The following DAB1 variants were observed in gnomAD, a reference collection of about 807,000 sequenced individuals.
DAB1 encodes the protein disabled homolog 1.
In DAB1, 15 loss-of-function variants were observed where a neutral mutation model predicts 64.6. The observed-to-expected ratio is 0.23, with a 90% confidence interval of 0.16 to 0.36. The LOEUF is 0.36. Ranked by LOEUF, DAB1 falls within the 10% of genes least tolerant of loss-of-function variation. DAB1 has a pLI of 1.00. For missense variants in DAB1, 596 were observed against 706.7 expected (o/e 0.84, Z 1.78); for synonymous variants, 235 against 251.9 (o/e 0.93, Z 0.64).
intron 1 of DAB1, among the ~76,000 whole-genome samples, chr1:57,353,049 C>T (rs1678716661): frequency 6.6e-6 from 1 of 150,726 alleles, no homozygotes; most frequent in Non-Finnish European, 1.5e-5. Flanking sequence ...ATCATATGAG[C>T]CAATTCCTTA....
At chr1:57,325,532 T>C (rs1480348433) in intron 1 of DAB1, among the ~76,000 whole-genome samples, 1 of 152,252 alleles carries the variant, frequency 6.6e-6, no homozygotes, top group African/African-American at 2.4e-5. Flanking sequence ...CAGGTGCTAT[T>C]ATTATAACTG....
chr1:57,333,568 C>T (rs1187669993), intron 1 of DAB1, among the ~76,000 whole-genome samples: 1 of 152,202 alleles, frequency 6.6e-6, no homozygotes, highest in Non-Finnish European at 1.5e-5. Context: ...GTGTAACCAA[C>T]CAATTGACAA....
At chr1:57,992,362 G>A (rs1022436742) in intron 5 of DAB1, among the ~76,000 whole-genome samples, 14 of 152,254 alleles carry the variant, frequency 9.2e-5, no homozygotes, top group African/African-American at 3.1e-4. Context: ...GATAGGACTT[G>A]TGCACTTTTT....
chr1:58,394,919 G>A (rs999578645), intron 3 of DAB1, among the ~76,000 whole-genome samples: 3 of 151,272 alleles, frequency 2.0e-5, no homozygotes, highest in South Asian at 2.1e-4. Context: ...TTATAAAGCC[G>A]ATTTTAAAAA....
intron 2 of DAB1, among the ~76,000 whole-genome samples, chr1:57,223,459 T>C (rs1363462448): frequency 1.3e-5 from 2 of 152,174 alleles, no homozygotes; most frequent in Non-Finnish European, 1.5e-5. Context: ...TGTCATTTCA[T>C]GTCTGCCACC....
At chr1:57,681,298 G>A (rs1646633874) in intron 6 of DAB1, among the ~76,000 whole-genome samples, 1 of 152,124 alleles carries the variant, frequency 6.6e-6, no homozygotes, top group Admixed American at 6.5e-5. Context: ...GAAACCAGTT[G>A]TATTGGATTA....
upstream of DAB1, among the ~76,000 whole-genome samples, chr1:57,424,220 G>A (rs912648759): frequency 5.9e-4 from 87 of 148,440 alleles, no homozygotes; most frequent in African/African-American, 1.8e-3. Flanking sequence ...CGCCGCCGCC[G>A]GGCCGTGAGC....
intron 7 of DAB1, among the ~76,000 whole-genome samples, chr1:57,495,014 A>C (rs986879145): frequency 6.6e-6 from 1 of 152,202 alleles, no homozygotes; most frequent in African/African-American, 2.4e-5. Flanking sequence ...ACAGCCTGGA[A>C]CACTGAGCTG....
chr1:58,274,866 G>A (rs1485471336), intron 4 of DAB1, among the ~76,000 whole-genome samples: 3 of 152,054 alleles, frequency 2.0e-5, no homozygotes, highest in African/African-American at 4.8e-5. Context: ...GCTTCGGCTC[G>A]CGCACGGTGC....
At chr1:57,285,572 C>T (rs1410623272) in intron 2 of DAB1, among the ~76,000 whole-genome samples, 2 of 152,088 alleles carry the variant, frequency 1.3e-5, no homozygotes, top group African/African-American at 4.8e-5. Context: ...ACACCCAGCC[C>T]CCTCACCTTT....
intron 6 of DAB1, among the ~76,000 whole-genome samples, chr1:57,711,300 T>C (rs1277021865): frequency 6.6e-6 from 1 of 152,244 alleles, no homozygotes; most frequent in Admixed American, 6.5e-5. Flanking sequence ...AGAAGCAAGA[T>C]AGGGTCAGCC....
intron 4 of DAB1, among the ~76,000 whole-genome samples, chr1:58,227,656 A>C (rs985736809): frequency 3.3e-5 from 5 of 152,140 alleles, no homozygotes; most frequent in African/African-American, 1.2e-4. Context: ...AAGAAGGAAA[A>C]GACACCATAC....
chr1:57,017,830 A>G (rs1263128441), intron 11 of DAB1, among the ~76,000 whole-genome samples: 1 of 152,146 alleles, frequency 6.6e-6, no homozygotes, highest in Non-Finnish European at 1.5e-5. Context: ...TAAATCTACC[A>G]ACAGATGAAG....
intron 5 of DAB1, among the ~76,000 whole-genome samples, chr1:57,946,698 T>A (rs1472178121): frequency 1.3e-5 from 2 of 152,252 alleles, no homozygotes; most frequent in Non-Finnish European, 2.9e-5. Context: ...TGTCTCAGGA[T>A]TCTGGTAACG....
At chr1:57,963,232 C>T (rs943738767) in intron 5 of DAB1, among the ~76,000 whole-genome samples, 3 of 152,198 alleles carry the variant, frequency 2.0e-5, no homozygotes, top group Admixed American at 6.5e-5. Context: ...TTATCATACA[C>T]ATAACTCACT....
At chr1:57,627,922 ACTT>A (rs10592394) in intron 7 of DAB1, among the ~76,000 whole-genome samples, 36,669 of 152,006 alleles carry the variant, frequency 0.24, 4,741 homozygotes, top group Admixed American at 0.34. Flanking sequence ...TCCTTGCACT[ACTT>A]CCTGGCTACT....
intron 4 of DAB1, among the ~76,000 whole-genome samples, chr1:58,242,506 T>C (rs1206835715): frequency 1.3e-5 from 2 of 152,156 alleles, no homozygotes; most frequent in Non-Finnish European, 2.9e-5. Context: ...TGCTAGTAGT[T>C]ATACATCTAA....
rs144831668 is a variant in DAB1, at chr1:57,683,725, T to C, written n.552-34060A>G. ...ACTCTGGCAGTTAAAAAAGCAAGAG[T>C]ATCTCCTTACCTCCAAATGAGGCCA... On this transcript the variant is annotated intron_variant and non_coding_transcript_variant, in intron 6 of 20. Transcript: ENST00000485760. Among the ~76,000 whole-genome samples, 780 of 152,036 alleles carry C rather than the reference T, an allele frequency of 5.1e-3. 12 individuals are homozygous for C. Among genetic ancestry groups the C allele is most frequent in the African/African-American group, 0.018 (745 of 41,478 alleles).
At position 57,861,946 on chromosome 1, in the gene DAB1, C is replaced by T. The variant is rs1181638478; in HGVS notation, n.87+22053G>A. On this transcript the variant is annotated intron_variant and non_coding_transcript_variant, in intron 1 of 1. Transcript: ENST00000477280. ...AATAATCTCTTCTATAACCTGCTCA[C>T]ATGGTTATGCTTTCTCTGCTTAAAT... 3.6e-4 allele frequency among the ~76,000 whole-genome samples: 54 copies of T among 152,064 alleles called. 1 individual carries two copies. Among genetic ancestry groups the T allele is most frequent in the Admixed American group, 3.5e-3 (53 of 15,258 alleles).
Sources: gnomAD v4.1 joint callset for allele counts (sites outside exome capture counted in the v4.1 genomes callset) on GRCh38, gnomAD v4.1.1 for gene constraint, MANE v1.5 for transcripts, NCBI Gene and HGNC (gene_info 2026-07-23, HGNC 2026-07-21) for gene names.